CENPI: variants seen among roughly 807,000 people sequenced by gnomAD.
CENPI encodes the protein FSH primary response 1.
In CENPI, 4 loss-of-function variants were observed where a neutral mutation model predicts 60.4. The observed-to-expected ratio is 0.07, with a 90% CI of 0.03 to 0.15. CENPI has a LOEUF of 0.15. Ranked by LOEUF, CENPI falls within the 10% of genes least tolerant of loss-of-function variation. The pLI is 1.00. For synonymous variants in CENPI, 157 were observed against 189.4 expected, an observed-to-expected ratio of 0.83 and a Z score of 1.40; for missense variants, 444 against 534.5, an observed-to-expected ratio of 0.83 and a Z score of 1.67.
chrX:101,124,698 G>A (rs2089716247), intron 8 of CENPI, among the ~76,000 whole-genome samples: 1 of 111,248 alleles, frequency 9.0e-6, no homozygotes, highest in African/African-American at 3.3e-5. Context: ...GAGTTCTCAC[G>A]AGATCTGATG....
chrX:101,167,495 T>C (rs1485856908), downstream of CENPI, among the ~76,000 whole-genome samples: 1 of 111,857 alleles, frequency 8.9e-6, no homozygotes, highest in Non-Finnish European at 1.9e-5. Flanking sequence ...TTTTAAAAAT[T>C]AGAAATGAAT....
chrX:101,146,248 C>T lies in CENPI; in HGVS notation c.1797C>T (p.Ile599=), dbSNP rs145360671. The T allele has an allele frequency of 7.0e-5, 84 of 1,207,797 alleles. No homozygotes were observed. The highest frequency in any genetic ancestry group is 9.4e-5 in the Non-Finnish European group (84 of 893,898). The change falls in exon 18 of 22, where the codon ATC becomes ATT. Residue 599 remains isoleucine, a synonymous_variant. Transcript: ENST00000682095. The part of the protein sequence containing the change: ...YSALLSLDTS[I]LNQLCFIMHR... ...CACTCCTCAGCCTGGATACCAGCATCCTGAACCAGCTGTGTTTTATTATGC... is the reference window on the plus strand; with the variant it reads ...CACTCCTCAGCCTGGATACCAGCATTCTGAACCAGCTGTGTTTTATTATGC...
rs369693081 is a variant in CENPI at position 101,147,689 on chromosome X, T to A, written c.1827-74T>A. The A allele has an allele frequency of 5.7e-3, 4,583 of 802,835 alleles. 18 individuals are homozygous for A. The highest frequency in any genetic ancestry group is 7.4e-3 in the Non-Finnish European group (4,034 of 548,571). The allele number at this position is 802,835 out of a possible 1,213,427, so 66.2% of individuals were successfully genotyped here. On this transcript the variant is annotated intron_variant, in intron 18 of 21. Transcript: ENST00000682095. ...TTACATTTAAAATGTATGTTTTTTT[T>A]AAATTTTACCATTTCAAAGGCATTA...
chrX:101,141,508 T>C lies in CENPI; in HGVS notation c.1565+748T>C, dbSNP rs139268221. 1.3e-3 allele frequency among the ~76,000 whole-genome samples: 146 copies of C among 110,638 alleles called. 1 individual carries two copies. The highest frequency in any genetic ancestry group is 4.5e-3 in the African/African-American group (137 of 30,475). On this transcript the variant is annotated intron_variant, in intron 16 of 21. Coordinates refer to ENST00000682095, the MANE Select transcript of CENPI (RefSeq NM_001386188.2). ...GCATGTGCCACCATATCCAGCTAAG[T>C]AGAGATGGGGTTTATTTAGTAGAGA...
At chrX:101,157,673 CT>C (rs1233012342) in intron 20 of CENPI, among the ~76,000 whole-genome samples, 7 of 97,660 alleles carry the variant, frequency 7.2e-5, no homozygotes, top group Non-Finnish European at 2.1e-5. Flanking sequence ...AAAAAAAGGA[CT>C]TTTTTTTGGT....
At chrX:101,130,932 C>T (rs1569501242) in intron 13 of CENPI, among the ~76,000 whole-genome samples, 1 of 111,893 alleles carries the variant, frequency 8.9e-6, no homozygotes. Flanking sequence ...AGGCAGAAAC[C>T]ATGTCTAACT....
downstream of CENPI, among the ~76,000 whole-genome samples, chrX:101,167,426 C>T (rs1436223111): frequency 9.0e-6 from 1 of 111,652 alleles, no homozygotes; most frequent in African/African-American, 3.3e-5. Context: ...TTACTGTTAC[C>T]TCGGGTAATA....
At chrX:101,173,825 A>G in the CENPI span, among the ~76,000 whole-genome samples, 1 of 111,269 alleles carries the variant, frequency 9.0e-6, no homozygotes, top group Non-Finnish European at 1.9e-5. Context: ...TCAAAAAAAA[A>G]CCTGGACCAG....
At chrX:101,104,549 T>A (rs1436780600) in intron 4 of CENPI, among the ~76,000 whole-genome samples, 1 of 111,637 alleles carries the variant, frequency 9.0e-6, no homozygotes, top group Non-Finnish European at 1.9e-5. Flanking sequence ...ACCACATTGC[T>A]GCTTTTTTTC....
chrX:101,108,480 G>A (rs1190530981), intron 4 of CENPI, among the ~76,000 whole-genome samples: 1 of 110,146 alleles, frequency 9.1e-6, no homozygotes, highest in Non-Finnish European at 1.9e-5. Context: ...ATAGGCATGT[G>A]TCACCACGCT....
intron 4 of CENPI, among the ~76,000 whole-genome samples, chrX:101,105,053 A>G (rs1423445068): frequency 1.8e-5 from 2 of 111,499 alleles, no homozygotes; most frequent in South Asian, 3.7e-4. Flanking sequence ...TTATTTCTCT[A>G]TTTTTATCTG....
At chrX:101,113,500 TAG>T (rs1236245623) in intron 6 of CENPI, among the ~76,000 whole-genome samples, 1 of 110,917 alleles carries the variant, frequency 9.0e-6, no homozygotes, top group African/African-American at 3.3e-5. Flanking sequence ...GTATTTTTAG[TAG>T]AGACAGGGTT....
chrX:101,140,858 CT>C lies in CENPI; in HGVS notation c.1565+100del, dbSNP rs766543029. 4.4e-5 allele frequency: 23 copies of C among 522,260 alleles called. No homozygotes were observed. The East Asian group carries it at 8.2e-4, about 19-fold the overall frequency. 43.0% of individuals were successfully genotyped at this position (522,260 alleles called of 1,213,427 possible). ...TGAAACAATTTTTTTCATGTAAATGCTTAGTAGTACTTTTTTGGAAGACTTT... is the reference window on the plus strand; with the variant it reads ...TGAAACAATTTTTTTCATGTAAATGCTAGTAGTACTTTTTTGGAAGACTTT... On this transcript the variant is annotated intron_variant, in intron 16 of 21. Coordinates refer to ENST00000682095, the MANE Select transcript of CENPI (RefSeq NM_001386188.2).
chrX:101,128,682 A>G (rs1273529151), intron 11 of CENPI, 34 bp from the exon 12 acceptor site: 1 of 1,189,545 alleles, frequency 8.4e-7, no homozygotes. Context: ...CTTTTCAGAT[A>G]CTTAACTGTT....
intron 20 of CENPI, among the ~76,000 whole-genome samples, chrX:101,148,857 C>T (rs1310295062): frequency 9.0e-6 from 1 of 111,094 alleles, no homozygotes; most frequent in East Asian, 2.8e-4. Flanking sequence ...AAAAAGTGTG[C>T]AGGGTGGGGG....
At chrX:101,140,620 T>C in intron 15 of CENPI, 46 bp from the exon 16 acceptor site, 1 of 916,372 alleles carries the variant, frequency 1.1e-6, no homozygotes, top group Non-Finnish European at 1.6e-6. Context: ...AACACTGTTA[T>C]GTCTGAATGA....
At chrX:101,124,015 CTA>C (rs1476590014) in intron 8 of CENPI, among the ~76,000 whole-genome samples, 2 of 110,509 alleles carry the variant, frequency 1.8e-5, no homozygotes, top group African/African-American at 3.3e-5. Context: ...TCCCAGATGA[CTA>C]TGTTAATATT....
rs1350587796 is a variant in CENPI, at chrX:101,098,225, G to A, written c.-133G>A. On this transcript the variant is annotated 5_prime_UTR_variant, in exon 1 of 22. Coordinates refer to ENST00000682095, the MANE Select transcript of CENPI (RefSeq NM_001386188.2). ...CGGCATTCGGTGGTCAGAGGCCTGTGCGGCTGCAGGTAGAGTGTCTTAGGT... is the reference window on the plus strand; with the variant it reads ...CGGCATTCGGTGGTCAGAGGCCTGTACGGCTGCAGGTAGAGTGTCTTAGGT... 2 of 113,489 alleles carry A rather than the reference G, an allele frequency of 1.8e-5. No individual in the cohort carries two copies. Among genetic ancestry groups the A allele is most frequent in the African/African-American group, 6.4e-5 (2 of 31,234 alleles). The allele number at this position is 113,489 out of a possible 1,213,427, so 9.4% of individuals were successfully genotyped here. A position where few individuals can be genotyped will look rare whatever the true frequency, so the allele number is the denominator to read the frequency against.
downstream of CENPI, among the ~76,000 whole-genome samples, chrX:101,169,340 C>T (rs928502098): frequency 1.4e-4 from 16 of 112,520 alleles, no homozygotes; most frequent in African/African-American, 5.2e-4. Context: ...AATATACAGT[C>T]ATGTGCCACC....
Sources: allele counts gnomAD v4.1 joint callset (sites outside exome capture counted in the v4.1 genomes callset), GRCh38; gene constraint gnomAD v4.1.1; transcripts MANE v1.5; gene names NCBI Gene and HGNC (gene_info 2026-07-23, HGNC 2026-07-21).